APEH: variants seen among roughly 807,000 people sequenced by gnomAD.
APEH encodes the protein acylaminoacyl-peptide hydrolase.
In APEH, 75 loss-of-function variants were observed where a neutral mutation model predicts 102.7. That is an observed-to-expected ratio of 0.73 (90% CI 0.61 to 0.89). APEH has a LOEUF of 0.89. APEH is among the 40% of genes least tolerant of loss of function. APEH has a pLI of 0.00. For missense variants in APEH, 863 were observed against 941.2 expected (o/e 0.92, Z 1.09); for synonymous variants, 344 against 362.7 (o/e 0.95, Z 0.59).
chr3:49,681,276 G>C (rs759519026), intron 15 of APEH, 37 bp downstream of exon 15: 13 of 1,509,860 alleles, frequency 8.6e-6, no homozygotes, highest in Non-Finnish European at 1.2e-5. Context: ...GCCTTCTCCA[G>C]GTTCCCCAGC....
Position 49,675,879 on chromosome 3 carries a change from A to T in APEH, c.367-12A>T. ...TTAGCGGGCAAACAGCCTAATGCCC[A>T]GATGTCCTCAGGTCTGGGAGAAGAA... On this transcript the variant is annotated splice_polypyrimidine_tract_variant and intron_variant, in intron 4 of 21. Transcript: ENST00000296456. The T allele has an allele frequency of 1.9e-6, 3 of 1,614,154 alleles. No homozygotes were observed. Among genetic ancestry groups the T allele is most frequent in the Non-Finnish European group, 2.5e-6 (3 of 1,179,992 alleles).
In APEH at chr3:49,676,471, A is replaced by G; in HGVS notation, c.700A>G (p.Ile234Val). The G allele has an allele frequency of 6.2e-7, 1 of 1,614,236 alleles. No homozygotes were observed. Among genetic ancestry groups the G allele is most frequent in the Non-Finnish European group, 8.5e-7 (1 of 1,180,038 alleles). The change falls in exon 7 of 22, where the codon ATC becomes GTC. Residue 234 changes from isoleucine to valine, a missense_variant. Ile to Val is a conservative substitution (Grantham distance 29, BLOSUM62 3). Transcript: ENST00000296456. ...LCVLDVESGN[I>V]SVLEGVPENV... ...CGTGCTGGATGTCGAGAGTGGCAAC[A>G]TCTCTGTGCTTGAGGGGGTCCCTGA...
In APEH at chr3:49,682,188, A is replaced by T. The variant is rs555518153; in HGVS notation, c.1604-160A>T. 4.6e-5 allele frequency among the ~76,000 whole-genome samples: 7 copies of T among 152,354 alleles called. No homozygotes were observed. In the East Asian group the frequency reaches 1.3e-3, roughly 29 times the overall value. On this transcript the variant is annotated intron_variant, in intron 17 of 21. Coordinates refer to ENST00000296456, the MANE Select transcript of APEH (RefSeq NM_001640.4). Reference sequence around the variant, plus strand: ...CTTCCAAGGAAAGGGCGCTGTGGTCACTGGGTGGCAGCCTCAAATCTCTGA... The same window carrying T: ...CTTCCAAGGAAAGGGCGCTGTGGTCTCTGGGTGGCAGCCTCAAATCTCTGA...
intron 15 of APEH, 66 bp downstream of exon 15, chr3:49,681,305 C>A (rs2053308933): frequency 7.0e-7 from 1 of 1,436,794 alleles, no homozygotes; most frequent in Non-Finnish European, 9.2e-7. Flanking sequence ...TCTGCGGTGA[C>A]CTTTGCTACC....
chr3:49,680,983 C>T (rs2053292733), intron 14 of APEH, 118 bp from the exon 15 acceptor site: 7 of 1,326,332 alleles, frequency 5.3e-6, no homozygotes, highest in East Asian at 2.4e-5. Context: ...CATGCTGTAC[C>T]TTCTGGAGGT....
At position 49,683,686 on chromosome 3, in the gene APEH, G is replaced by T; in HGVS notation, c.*344G>T. 2.2e-6 allele frequency: 1 copy of T among 458,146 alleles called. No homozygotes were observed. The highest frequency in any genetic ancestry group is 4.0e-6 in the Non-Finnish European group (1 of 252,258). 28.4% of individuals were successfully genotyped at this position (458,146 alleles called of 1,614,324 possible). ...TCCTGGCAACCAGGACTCTGTACCA[G>T]CCTAGCTTCCCTGCTGCAGCCCCTT... On this transcript the variant is annotated 3_prime_UTR_variant, in exon 22 of 22. Coordinates refer to ENST00000296456, the MANE Select transcript of APEH (RefSeq NM_001640.4).
In APEH at chr3:49,683,358, C is replaced by T; in HGVS notation, c.*16C>T. 1.3e-6 allele frequency: 2 copies of T among 1,594,542 alleles called. No individual in the cohort carries two copies. The highest frequency in any genetic ancestry group is 1.7e-6 in the Non-Finnish European group (2 of 1,162,592). On this transcript the variant is annotated 3_prime_UTR_variant, in exon 22 of 22. Transcript: ENST00000296456. The stretch of plus-strand genomic sequence containing the variant: ...GGGCAGCTGAAGCCCTGCCATTCTG[C>T]ATGAGCTGATCAGCCTGTGCCACAC...
At chr3:49,674,844 G>A (rs1203130524) in intron 2 of APEH, among the ~76,000 whole-genome samples, 2 of 152,154 alleles carry the variant, frequency 1.3e-5, no homozygotes, top group African/African-American at 2.4e-5. Context: ...CGAGATGACG[G>A]CGTAGGGGTA....
intron 17 of APEH, 96 bp from the exon 18 acceptor site, chr3:49,682,252 C>T: frequency 7.9e-7 from 1 of 1,268,174 alleles, no homozygotes. Flanking sequence ...TGTGGTATAG[C>T]TGGCCCCAGG....
At chr3:49,676,251 G>A in intron 6 of APEH, 32 bp downstream of exon 6, 1 of 1,612,074 alleles carries the variant, frequency 6.2e-7, no homozygotes, top group Non-Finnish European at 8.5e-7. Context: ...AGGCCCGGCA[G>A]GGCAGCCCTG....
At position 49,682,934 on chromosome 3, in the gene APEH, T is replaced by C; in HGVS notation, c.1975T>C (p.Tyr659His). Reference sequence around the variant, plus strand: ...GATGCTGGACAAATCGCCCATCAGATACATCCCTCAGGTATGCAGCCCCCT... The same window carrying C: ...GATGCTGGACAAATCGCCCATCAGACACATCCCTCAGGTATGCAGCCCCCT... ...AEMLDKSPIR[Y>H]IPQVKTPLLL... Residue 659 changes from tyrosine (Y) to histidine (H), a missense_variant, in exon 20 of 22, where the codon TAC becomes CAC. Transcript: ENST00000296456. 1.2e-6 allele frequency: 2 copies of C among 1,613,918 alleles called. No homozygotes were observed. The highest frequency in any genetic ancestry group is 1.7e-6 in the Non-Finnish European group (2 of 1,179,986).
chr3:49,680,465 G>A, intron 13 of APEH, 76 bp from the exon 14 acceptor site: 1 of 1,344,944 alleles, frequency 7.4e-7, no homozygotes, highest in Non-Finnish European at 1.1e-6. Context: ...TCTCCAGCCT[G>A]GGACTCTGTT....
Position 49,682,338 on chromosome 3 carries a change from C to G in APEH, c.1604-10C>G. The G allele has an allele frequency of 6.2e-7, 1 of 1,610,444 alleles. No homozygotes were observed. Among genetic ancestry groups the G allele is most frequent in the East Asian group, 2.2e-5 (1 of 44,740 alleles). On this transcript the variant is annotated splice_polypyrimidine_tract_variant and intron_variant, in intron 17 of 21. Coordinates refer to ENST00000296456, the MANE Select transcript of APEH (RefSeq NM_001640.4). Reference sequence around the variant, plus strand: ...CCTGACTACACTGTCTGGTCCCTCCCTGCCCTCAGTGAACTATCGTGGCTC... The same window carrying G: ...CCTGACTACACTGTCTGGTCCCTCCGTGCCCTCAGTGAACTATCGTGGCTC...
At chr3:49,681,841 G>C in intron 16 of APEH, 36 bp downstream of exon 16, 1 of 1,610,672 alleles carries the variant, frequency 6.2e-7, no homozygotes, top group East Asian at 2.2e-5. Flanking sequence ...TGCCCTCCCA[G>C]CCCTCTTCCT....
rs769385492 is a variant in APEH at position 49,676,084 on chromosome 3, C to T, written c.471C>T (p.His157=). 1 of 1,614,216 alleles carries T rather than the reference C, an allele frequency of 6.2e-7. No homozygotes were observed. The highest frequency in any genetic ancestry group is 8.5e-7 in the Non-Finnish European group (1 of 1,180,022). The change falls in exon 6 of 22, where the codon CAC becomes CAT. Residue 157 remains histidine (H), a synonymous_variant. Transcript: ENST00000296456. ...DDCFGCLSWS[H]SETHLLYVAE... ...GCTTTGGCTGCCTGTCCTGGTCGCACTCGGAGACACACTTGTTGTATGTGG... is the reference window on the plus strand; with the variant it reads ...GCTTTGGCTGCCTGTCCTGGTCGCATTCGGAGACACACTTGTTGTATGTGG...
chr3:49,675,274 A>G lies in APEH; in HGVS notation c.237A>G (p.Ala79=), dbSNP rs2052974535. 6.2e-7 allele frequency: 1 copy of G among 1,613,870 alleles called. No individual in the cohort carries two copies. Among genetic ancestry groups the G allele is most frequent in the South Asian group, 1.1e-5 (1 of 91,066 alleles). ...ATGACGGGGACTCAGTGGTGTTTGC[A>G]GGACCTGCAGGCAACAGTGTGGAGA... The part of the protein sequence containing the change: ...VFHDGDSVVF[A]GPAGNSVETR... Residue 79 remains alanine, a synonymous_variant, in exon 3 of 22, where the codon GCA becomes GCG. Transcript: ENST00000296456.
chr3:49,673,422 C>A (rs557373823), upstream of APEH, among the ~76,000 whole-genome samples: 1 of 152,132 alleles, frequency 6.6e-6, no homozygotes, highest in African/African-American at 2.4e-5. Context: ...GCCTTTCACA[C>A]CCAAGAGCTC....
rs1263102132 is a variant in APEH, at chr3:49,674,569, G to T, written c.93G>T (p.Leu31=). 1.3e-6 allele frequency: 2 copies of T among 1,571,762 alleles called. No homozygotes were observed. Among genetic ancestry groups the T allele is most frequent in the Non-Finnish European group, 1.7e-6 (2 of 1,168,112 alleles). The change falls in exon 2 of 22, where the codon CTG becomes CTT. Residue 31 remains leucine, a synonymous_variant. Transcript: ENST00000296456. The stretch of plus-strand genomic sequence containing the variant: ...AGCCCGCGCTGAGCGCCGCCTGCCT[G>T]GGCCCGGAGGTCACCACGCAGTACG... The part of the protein sequence containing the change: ...SRQPALSAAC[L]GPEVTTQYGG...
chr3:49,680,997 T>C, intron 14 of APEH, 104 bp from the exon 15 acceptor site: 3 of 1,406,618 alleles, frequency 2.1e-6, no homozygotes, highest in Non-Finnish European at 2.9e-6. Context: ...TGGAGGTGGG[T>C]AGAGGGCCCA....
Sources: allele counts gnomAD v4.1 joint callset (sites outside exome capture counted in the v4.1 genomes callset), GRCh38; gene constraint gnomAD v4.1.1; transcripts MANE v1.5; gene names NCBI Gene and HGNC (gene_info 2026-07-23, HGNC 2026-07-21).